The following AKNA variants were observed in gnomAD, a reference collection of about 807,000 sequenced individuals.
AKNA encodes the protein microtubule organization protein AKNA.
A neutral mutation model predicts 138.8 loss-of-function variants in AKNA; 67 were observed. The ratio of observed to expected loss-of-function variants is 0.48; its 90% CI spans 0.40 to 0.59. The LOEUF is 0.59. AKNA is among the 20% of genes least tolerant of loss of function. AKNA has a pLI of 0.00. For synonymous variants in AKNA, 737 were observed against 754.4 expected (o/e 0.98, Z 0.38); for missense variants, 1,813 against 1,880.4 (o/e 0.96, Z 0.66).
Position 114,337,013 on chromosome 9 carries a change from G to GGGGGGGGGGGC in AKNA, c.*40_*41insGCCCCCCCCCC. The GGGGGGGGGGGC allele has an allele frequency of 6.7e-6, 8 of 1,185,370 alleles. No individual in the cohort carries two copies. Among genetic ancestry groups the GGGGGGGGGGGC allele is most frequent in the Non-Finnish European group, 8.7e-6 (8 of 921,704 alleles). The allele number at this position is 1,185,370 out of a possible 1,614,324, so 73.4% of individuals were successfully genotyped here. A position where few individuals can be genotyped will look rare whatever the true frequency, so the allele number is the denominator to read the frequency against. On this transcript the variant is annotated 3_prime_UTR_variant, in exon 22 of 22. Transcript: ENST00000374088. ...CCACTCCTGGCCTGGCAGGCCACCT[G>GGGGGGGGGGGC]CCCACCCACCCACCCATCTGCCTCT...
chr9:114,396,101 C>G (rs1244920555), upstream of AKNA, among the ~76,000 whole-genome samples: 1 of 152,150 alleles, frequency 6.6e-6, no homozygotes, highest in Non-Finnish European at 1.5e-5. Context: ...TTTTGAGCAC[C>G]TACTCTGTGT....
Position 114,341,637 on chromosome 9 carries a change from T to A in AKNA, c.3963A>T (p.Pro1321=). 6.2e-7 allele frequency: 1 copy of A among 1,609,822 alleles called. No homozygotes were observed. The highest frequency in any genetic ancestry group is 8.5e-7 in the Non-Finnish European group (1 of 1,178,558). ...RSKQAGSSPR[P]PPGLWYLATA... ...TTGCCAGATACCACAGTCCGGGGGGTGGGCGTGGCGACGACCCCGCCTGCT... is the reference window on the plus strand; with the variant it reads ...TTGCCAGATACCACAGTCCGGGGGGAGGGCGTGGCGACGACCCCGCCTGCT... The change falls in exon 21 of 22, where the codon CCA becomes CCT. Residue 1321 remains proline (P), a synonymous_variant. Coordinates refer to ENST00000374088, the MANE Select transcript of AKNA (RefSeq NM_001317950.2).
chr9:114,346,897 G>C, intron 16 of AKNA, 113 bp from the exon 17 acceptor site: 1 of 855,256 alleles, frequency 1.2e-6, no homozygotes. Context: ...GGAAGGAAGA[G>C]AGTATAGAAG....
chr9:114,347,845 C>T lies in AKNA; in HGVS notation c.3277G>A (p.Asp1093Asn). 1.3e-6 allele frequency: 2 copies of T among 1,550,008 alleles called. No individual in the cohort carries two copies. The highest frequency in any genetic ancestry group is 1.7e-6 in the Non-Finnish European group (2 of 1,146,812). The change falls in exon 16 of 22, where the codon GAC becomes AAC. Residue 1093 changes from aspartate to asparagine, a missense_variant. Asp to Asn is a conservative substitution (Grantham distance 23). Transcript: ENST00000374088. ...CCCTGGAGTGGCTGGTGCAGGCTGT[C>T]TTCCAGCCGCAGACGAAGCCGGGAC... ...EVSRLRLRLE[D>N]SLHQPLQGSP...
chr9:114,368,356 C>T, intron 5 of AKNA, 83 bp downstream of exon 5: 1 of 1,293,772 alleles, frequency 7.7e-7, no homozygotes, highest in Non-Finnish European at 9.9e-7. Flanking sequence ...CCAGCGCCAT[C>T]CCCAGGGTGA....
At chr9:114,362,673 G>T in intron 7 of AKNA, 140 bp from the exon 8 acceptor site, 2 of 1,211,956 alleles carry the variant, frequency 1.7e-6, no homozygotes, top group Non-Finnish European at 2.2e-6. Context: ...ACAGGCTGAG[G>T]TTGAGATCTC....
intron 4 of AKNA, 127 bp from the exon 5 acceptor site, chr9:114,368,722 C>A: frequency 1.2e-6 from 1 of 860,566 alleles, no homozygotes; most frequent in Non-Finnish European, 1.6e-6. Context: ...TTCAGTGCAG[C>A]CCTTGGCTAG....
chr9:114,371,024 G>A (rs768943541), intron 4 of AKNA, among the ~76,000 whole-genome samples: 16 of 152,190 alleles, frequency 1.1e-4, no homozygotes, highest in Non-Finnish European at 2.2e-4. Context: ...GGGCTGGGGG[G>A]GAGGTGGCAA....
chr9:114,365,425 A>G (rs1336157433), intron 6 of AKNA, among the ~76,000 whole-genome samples: 2 of 152,208 alleles, frequency 1.3e-5, no homozygotes, highest in Non-Finnish European at 2.9e-5. Flanking sequence ...TGCCCTCTGT[A>G]CTGTGCAAAG....
chr9:114,352,907 C>T (rs1391980237), intron 14 of AKNA, among the ~76,000 whole-genome samples: 1 of 149,284 alleles, frequency 6.7e-6, no homozygotes, highest in African/African-American at 2.5e-5. Flanking sequence ...GACAACAGAG[C>T]GAGACTCCAT....
intron 18 of AKNA, 195 bp from the exon 19 acceptor site, chr9:114,343,998 C>T: frequency 1.8e-6 from 1 of 555,534 alleles, no homozygotes; most frequent in South Asian, 2.2e-5. Context: ...GACACACATA[C>T]ACACATATAC....
chr9:114,358,022 C>A lies in AKNA; in HGVS notation c.2638G>T (p.Ala880Ser). The A allele has an allele frequency of 6.2e-7, 1 of 1,609,846 alleles. No individual in the cohort carries two copies. The highest frequency in any genetic ancestry group is 8.5e-7 in the Non-Finnish European group (1 of 1,177,160). Residue 880 changes from alanine to serine, a missense_variant, in exon 12 of 22, where the codon GCA (alanine) becomes TCA (serine). Coordinates refer to ENST00000374088, the MANE Select transcript of AKNA (RefSeq NM_001317950.2). ...GTCATACTACTTTGGTGGGATGCTG[C>A]GGACTTGGTGCCTGGAGGGTGGGGT... ...VPPHPPGTKS[A>S]ASHQSSMTSL...
At chr9:114,351,082 C>T (rs1253300779) in intron 14 of AKNA, 61 bp from the exon 15 acceptor site, 1 of 1,531,206 alleles carries the variant, frequency 6.5e-7, no homozygotes, top group African/African-American at 1.4e-5. Flanking sequence ...CAAGCTCACA[C>T]TTGTGCAGGT....
chr9:114,393,301 C>T (rs1834417451), intron 1 of AKNA, among the ~76,000 whole-genome samples: 1 of 151,320 alleles, frequency 6.6e-6, no homozygotes, highest in Non-Finnish European at 1.5e-5. Flanking sequence ...CTGCAAGCTC[C>T]GCCTCCCGGG....
Position 114,367,682 on chromosome 9 carries a change from C to A in AKNA, c.1589G>T (p.Arg530Leu). ...AAGCGAGGAGGGGCTCAAGTCTCCT[C>A]GAGCTGATGGCCACCCTGGAATACA... is the stretch of plus-strand genomic sequence containing the variant. Reference protein sequence around the residue: ...ASAASGWPSARGDLSPSSLTS... With the variant: ...ASAASGWPSALGDLSPSSLTS... Residue 530 changes from arginine to leucine, a missense_variant, in exon 6 of 22, where the codon CGA (arginine) becomes CTA (leucine). Arg to Leu is a moderately radical substitution (Grantham distance 102). Transcript: ENST00000374088. 1 of 1,574,978 alleles carries A rather than the reference C, an allele frequency of 6.3e-7. No homozygotes were observed. The highest frequency in any genetic ancestry group is 1.1e-5 in the South Asian group (1 of 89,302).
chr9:114,359,845 C>T, intron 10 of AKNA, 51 bp from the exon 11 acceptor site: 1 of 1,613,310 alleles, frequency 6.2e-7, no homozygotes, highest in Non-Finnish European at 8.5e-7. Context: ...GGGGGACAGC[C>T]AAGATCCAGC....
intron 14 of AKNA, among the ~76,000 whole-genome samples, chr9:114,352,189 T>C (rs1458407402): frequency 1.3e-5 from 2 of 152,226 alleles, no homozygotes; most frequent in African/African-American, 4.8e-5. Flanking sequence ...GCTGTGACAT[T>C]GTACTACAGT....
chr9:114,385,562 C>T (rs10817597), intron 1 of AKNA, among the ~76,000 whole-genome samples: 5,033 of 152,328 alleles, frequency 0.033, 125 homozygotes, highest in Middle Eastern at 0.095. Flanking sequence ...TGCCCAATCA[C>T]AGAGCCCTCT....
Position 114,361,810 on chromosome 9 carries a change from G to A in AKNA, c.2018C>T (p.Ser673Leu). Residue 673 changes from serine (S) to leucine (L), a missense_variant, in exon 9 of 22, where the codon TCA (serine) becomes TTA (leucine). Coordinates refer to ENST00000374088, the MANE Select transcript of AKNA (RefSeq NM_001317950.2). ...QQEPEPPGSD[S>L]ALDSTPALPC... ...CAGGGCTGGGGTGCTGTCCAGAGCT[G>A]AGTCTGACCCGGGCGGCTCAGGCTC... is the stretch of plus-strand genomic sequence containing the variant. 6.2e-7 allele frequency: 1 copy of A among 1,613,848 alleles called. No homozygotes were observed. Among genetic ancestry groups the A allele is most frequent in the Non-Finnish European group, 8.5e-7 (1 of 1,180,026 alleles).
Sources: gnomAD v4.1 joint callset for allele counts (sites outside exome capture counted in the v4.1 genomes callset) on GRCh38, gnomAD v4.1.1 for gene constraint, MANE v1.5 for transcripts, NCBI Gene and HGNC (gene_info 2026-07-23, HGNC 2026-07-21) for gene names.